RASGRF2: variants seen among roughly 807,000 people sequenced by gnomAD.
The protein encoded by RASGRF2 is ras-specific guanine nucleotide-releasing factor 2.
A neutral mutation model predicts 151.0 loss-of-function variants in RASGRF2; 76 were observed. The observed-to-expected ratio is 0.50, with a 90% CI of 0.42 to 0.61. RASGRF2 has a LOEUF of 0.61. RASGRF2 is among the 20% of genes least tolerant of loss of function. The probability of loss-of-function intolerance (pLI) is 0.00; values close to 1 mark genes in which losing one functional copy is unlikely to be tolerated. For synonymous variants in RASGRF2, 504 were observed against 566.5 expected (o/e 0.89, Z 1.57); for missense variants, 1,148 against 1,564.6 (o/e 0.73, Z 4.49).
At chr5:80,978,627 AAATAT>A (rs1425629362) in intron 1 of RASGRF2, among the ~76,000 whole-genome samples, 3 of 152,112 alleles carry the variant, frequency 2.0e-5, no homozygotes, top group Non-Finnish European at 4.4e-5. Context: ...TTTCTACTGA[AAATAT>A]AAAAATTAGC....
At chr5:81,093,504 T>C (rs1389903004) in intron 10 of RASGRF2, among the ~76,000 whole-genome samples, 2 of 152,172 alleles carry the variant, frequency 1.3e-5, no homozygotes, top group Non-Finnish European at 2.9e-5. Flanking sequence ...CTCGAACTCC[T>C]AGACTCAAGC....
rs545786297 is a variant in RASGRF2 at position 81,207,348 on chromosome 5, G to A, written c.3070G>A (p.Glu1024Lys). The change falls in exon 21 of 27, where the codon GAG becomes AAG. Residue 1024 changes from glutamate to lysine, a missense_variant and splice_region_variant. Physicochemically the swap from Glu to Lys is moderately conservative, Grantham distance 56. Coordinates refer to ENST00000265080, the MANE Select transcript of RASGRF2 (RefSeq NM_006909.3). ...TGTCATTTTCAGAAGCATTCCCTAC[G>A]AGTGAGTGCCACCCCCCACAGCAGC... The part of the protein sequence containing the change: ...DHVIFRSIPY[E>K]EFLGQGWMKL... 6 of 1,612,284 alleles carry A rather than the reference G, an allele frequency of 3.7e-6. No homozygotes were observed. The highest frequency in any genetic ancestry group is 1.1e-5 in the South Asian group (1 of 91,016).
Position 81,212,352 on chromosome 5 carries a change from T to C in RASGRF2, c.3157-14T>C, listed in dbSNP as rs1359252624. 1.9e-6 allele frequency: 3 copies of C among 1,575,376 alleles called. No individual in the cohort carries two copies. The highest frequency in any genetic ancestry group is 2.6e-6 in the Non-Finnish European group (3 of 1,156,052). On this transcript the variant is annotated splice_polypyrimidine_tract_variant and intron_variant, in intron 22 of 26. Coordinates refer to ENST00000265080, the MANE Select transcript of RASGRF2 (RefSeq NM_006909.3). ...GCTCTTAGACTGCCTTTCGGGGCTT[T>C]TTGATTGTCTCAGATGAGTAACCTG...
Position 81,150,493 on chromosome 5 carries a change from G to A in RASGRF2, c.2686+23330G>A, listed in dbSNP as rs73128868. On this transcript the variant is annotated intron_variant, in intron 17 of 26. Transcript: ENST00000265080. ...TTATAAGCTTCTTGAGATCAGGGAC[G>A]GTGTGTTCACCATTAGATCTCCAGC... 5.0e-3 allele frequency among the ~76,000 whole-genome samples: 767 copies of A among 152,220 alleles called. 8 individuals are homozygous for A. The highest frequency in any genetic ancestry group is 0.017 in the African/African-American group (724 of 41,508).
intron 1 of RASGRF2, among the ~76,000 whole-genome samples, chr5:80,972,066 T>G (rs1481351651): frequency 6.6e-6 from 1 of 152,102 alleles, no homozygotes; most frequent in East Asian, 1.9e-4. Context: ...TTCCTCTGAA[T>G]GAGTATACAA....
intron 1 of RASGRF2, among the ~76,000 whole-genome samples, chr5:81,002,040 T>G (rs1173491935): frequency 1.3e-5 from 2 of 152,206 alleles, no homozygotes; most frequent in African/African-American, 4.8e-5. Flanking sequence ...ATCACTGTAG[T>G]TTTTTAGCAA....
intron 12 of RASGRF2, among the ~76,000 whole-genome samples, chr5:81,102,719 G>C: frequency 6.6e-6 from 1 of 151,150 alleles, no homozygotes; most frequent in Non-Finnish European, 1.5e-5. Context: ...AAAAGAATGT[G>C]TCTGTGGCCT....
At chr5:81,209,468 A>G (rs575324193) in intron 22 of RASGRF2, among the ~76,000 whole-genome samples, 3 of 152,220 alleles carry the variant, frequency 2.0e-5, no homozygotes, top group Admixed American at 2.0e-4. Context: ...CAGGAACCCC[A>G]TAGGTAAATT....
intron 1 of RASGRF2, among the ~76,000 whole-genome samples, chr5:81,024,305 C>T (rs978452966): frequency 8.0e-6 from 1 of 124,846 alleles, no homozygotes; most frequent in Non-Finnish European, 1.6e-5. Flanking sequence ...TGTTGCCCAG[C>T]CTGGAATGCA....
intron 1 of RASGRF2, among the ~76,000 whole-genome samples, chr5:81,024,078 TG>T (rs1749924300): frequency 1.3e-5 from 2 of 152,140 alleles, no homozygotes; most frequent in Non-Finnish European, 2.9e-5. Context: ...CTGTCATTTA[TG>T]GGGCTCATGA....
intron 2 of RASGRF2, among the ~76,000 whole-genome samples, chr5:81,065,423 C>T (rs1230059354): frequency 6.6e-6 from 1 of 152,170 alleles, no homozygotes; most frequent in Non-Finnish European, 1.5e-5. Flanking sequence ...AACCCAAGCT[C>T]TGTTCTCAGA....
intron 12 of RASGRF2, among the ~76,000 whole-genome samples, chr5:81,104,271 T>C (rs1160210161): frequency 1.2e-4 from 18 of 152,050 alleles, no homozygotes; most frequent in Admixed American, 1.2e-3. Flanking sequence ...ATATTTGAAT[T>C]ATTTCATAAT....
intron 17 of RASGRF2, among the ~76,000 whole-genome samples, chr5:81,172,699 C>T (rs1754685320): frequency 6.6e-6 from 1 of 152,098 alleles, no homozygotes; most frequent in Non-Finnish European, 1.5e-5. Context: ...GGGAACTTAC[C>T]ACCCCTTATC....
At chr5:81,077,063 C>G (rs1047403195) in intron 5 of RASGRF2, among the ~76,000 whole-genome samples, 2 of 152,124 alleles carry the variant, frequency 1.3e-5, no homozygotes, top group Non-Finnish European at 2.9e-5. Context: ...GGAATCTAAA[C>G]TGAGGAAAGA....
chr5:81,176,364 TA>T (rs778189750), intron 17 of RASGRF2, among the ~76,000 whole-genome samples: 7 of 152,166 alleles, frequency 4.6e-5, no homozygotes, highest in Non-Finnish European at 8.8e-5. Context: ...AAATAGCAAA[TA>T]TTTGGGGGGC....
At chr5:81,078,611 T>C (rs1247535905) in intron 5 of RASGRF2, among the ~76,000 whole-genome samples, 1 of 152,244 alleles carries the variant, frequency 6.6e-6, no homozygotes, top group Non-Finnish European at 1.5e-5. Flanking sequence ...AGATTCCCTT[T>C]ACATGCCTTT....
intron 2 of RASGRF2, among the ~76,000 whole-genome samples, chr5:81,055,346 A>G (rs149975504): frequency 0.15 from 22,852 of 152,042 alleles, 2,177 homozygotes; most frequent in East Asian, 0.37. Context: ...AGGGCTGTTG[A>G]ATTTTGTCAA....
At chr5:81,026,177 TCCCTTCC>T in intron 1 of RASGRF2, among the ~76,000 whole-genome samples, 2 of 146,992 alleles carry the variant, frequency 1.4e-5, no homozygotes, top group Non-Finnish European at 3.0e-5. Context: ...CCTCCCTTCC[TCCCTTCC>T]TTCCTTTTTC....
Position 81,043,000 on chromosome 5 carries a change from C to G in RASGRF2, c.395+17C>G. On this transcript the variant is annotated intron_variant, in intron 2 of 26. Coordinates refer to ENST00000265080, the MANE Select transcript of RASGRF2 (RefSeq NM_006909.3). ...CCAAGCCAGGTATAGGCTCAGTCTTCCTGTGTAGTACTTGATTGTCTGGGT... is the reference window on the plus strand; with the variant it reads ...CCAAGCCAGGTATAGGCTCAGTCTTGCTGTGTAGTACTTGATTGTCTGGGT... The G allele has an allele frequency of 6.4e-7, 1 of 1,573,596 alleles. No homozygotes were observed. Among genetic ancestry groups the G allele is most frequent in the Non-Finnish European group, 8.7e-7 (1 of 1,148,314 alleles).
Sources: gnomAD v4.1 joint callset for allele counts (sites outside exome capture counted in the v4.1 genomes callset) on GRCh38, gnomAD v4.1.1 for gene constraint, MANE v1.5 for transcripts, NCBI Gene and HGNC (gene_info 2026-07-23, HGNC 2026-07-21) for gene names.